The following GUSB variants were observed in gnomAD, a reference collection of about 807,000 sequenced individuals.
GUSB encodes beta-glucuronidase.
GUSB carries 51 observed loss-of-function variants against 74.6 expected under a neutral mutation model. The ratio of observed to expected loss-of-function variants is 0.68; its 90% confidence interval spans 0.55 to 0.86. The LOEUF (loss-of-function observed/expected upper bound fraction) is 0.86, where lower values mean the gene tolerates loss of function less well. GUSB is among the 40% of genes least tolerant of loss of function. GUSB has a pLI of 0.00. For synonymous variants in GUSB, 360 were observed against 348.3 expected, an observed-to-expected ratio of 1.03 and a Z score of -0.37; for missense variants, 736 against 853.7, an observed-to-expected ratio of 0.86 and a Z score of 1.72.
At chr7:65,969,903 G>A (rs1791082521) in intron 9 of GUSB, among the ~76,000 whole-genome samples, 1 of 152,196 alleles carries the variant, frequency 6.6e-6, no homozygotes, top group Admixed American at 6.6e-5. Context: ...TCCAAACTGA[G>A]CAAACAAATC....
chr7:65,965,214 TA>T, intron 10 of GUSB, among the ~76,000 whole-genome samples: 1 of 152,168 alleles, frequency 6.6e-6, no homozygotes, highest in Non-Finnish European at 1.5e-5. Context: ...AAGACTAGTC[TA>T]GGCAACACAG....
intron 4 of GUSB, among the ~76,000 whole-genome samples, chr7:65,976,928 G>GTCCCTCAGACA (rs751959555): frequency 2.0e-5 from 3 of 151,902 alleles, no homozygotes; most frequent in Non-Finnish European, 4.4e-5. Context: ...GGAAGTGACC[G>GTCCCTCAGACA]TGTCCCTCAG....
At chr7:65,975,175 G>A in intron 5 of GUSB, 104 bp from the exon 6 acceptor site, 1 of 975,460 alleles carries the variant, frequency 1.0e-6, no homozygotes, top group South Asian at 1.3e-5. Flanking sequence ...AGCTGCCTCT[G>A]GGCCTGTAAG....
chr7:65,967,473 TCTGTTAGAAAGAC>T (rs1157255146), intron 10 of GUSB, among the ~76,000 whole-genome samples: 1 of 152,048 alleles, frequency 6.6e-6, no homozygotes, highest in African/African-American at 2.4e-5. Context: ...CAAATTTGGA[TCTGTTAGAAAGAC>T]CACTTGGGCA....
intron 10 of GUSB, among the ~76,000 whole-genome samples, chr7:65,965,157 G>C (rs1358014662): frequency 1.3e-5 from 2 of 152,020 alleles, no homozygotes; most frequent in Non-Finnish European, 2.9e-5. Flanking sequence ...TGTAATGCCA[G>C]CACTTTTGGA....
chr7:65,976,181 G>C lies in GUSB; in HGVS notation c.746C>G (p.Ser249Cys). The change falls in exon 5 of 12, where the codon TCT becomes TGT. Residue 249 changes from serine to cysteine, a missense_variant. Around this residue, in one of 2 missense-constraint regions of GUSB, gnomAD observed 368 missense variants for 363.8 expected, o/e 1.01. Transcript: ENST00000304895. ...CTTGAACAGGTTACTGCCCTTGACA[G>C]AGATCTGGTAATTCACCAGCCCTGC... is the stretch of plus-strand genomic sequence containing the variant. ...QDSGLVNYQISVKGSNLFKLE... is the reference protein window; with the variant it reads ...QDSGLVNYQICVKGSNLFKLE... 1.2e-6 allele frequency: 2 copies of C among 1,612,970 alleles called. No individual in the cohort carries two copies. Among genetic ancestry groups the C allele is most frequent in the Non-Finnish European group, 1.7e-6 (2 of 1,179,626 alleles).
chr7:65,979,444 A>C lies in GUSB; in HGVS notation c.679T>G (p.Tyr227Asp). ...SVLLYTTPTTYIDDITVTTSV... is the reference protein window; with the variant it reads ...SVLLYTTPTTDIDDITVTTSV... ...GTGGTGACGGTGATGTCATCGATGT[A>C]GGTGGTGGGTGTCGTGTACAGAAGT... Residue 227 changes from tyrosine to aspartate, a missense_variant, in exon 4 of 12, where the codon TAC becomes GAC. Physicochemically the swap from Tyr to Asp is radical, Grantham distance 160 (BLOSUM62 -3). Coordinates refer to ENST00000304895, the MANE Select transcript of GUSB (RefSeq NM_000181.4). The C allele has an allele frequency of 1.2e-6, 2 of 1,613,970 alleles. No individual in the cohort carries two copies. Among genetic ancestry groups the C allele is most frequent in the Non-Finnish European group, 1.7e-6 (2 of 1,179,878 alleles).
chr7:65,964,435 T>C lies in GUSB; in HGVS notation c.1677A>G (p.Glu559=), dbSNP rs1161205711. ...GCTCTAGCAGACTTTTCTGGTACTC[T>C]TCAGTGAACATCAGAGGTGGATCCT... is the stretch of plus-strand genomic sequence containing the variant. ...FHQDPPLMFT[E]EYQKSLLEQY... Residue 559 remains glutamate, a synonymous_variant, in exon 11 of 12, where the codon GAA becomes GAG. Transcript: ENST00000304895. The C allele has an allele frequency of 1.2e-6, 2 of 1,611,260 alleles. No individual in the cohort carries two copies. The highest frequency in any genetic ancestry group is 1.3e-5 in the African/African-American group (1 of 74,852).
At chr7:65,978,052 C>T (rs1347242167) in intron 4 of GUSB, among the ~76,000 whole-genome samples, 5 of 152,098 alleles carry the variant, frequency 3.3e-5, no homozygotes, top group African/African-American at 1.2e-4. Context: ...CCTCGTGATC[C>T]CCCCACCTTG....
intron 11 of GUSB, chr7:65,964,051 A>C: frequency 6.3e-6 from 3 of 473,620 alleles, no homozygotes; most frequent in South Asian, 4.2e-5. Flanking sequence ...CAAAATAGAC[A>C]AGGAAAAGGC....
intron 4 of GUSB, among the ~76,000 whole-genome samples, chr7:65,977,857 C>T (rs1358026127): frequency 6.6e-6 from 1 of 152,038 alleles, no homozygotes; most frequent in Non-Finnish European, 1.5e-5. Context: ...GTCCCCTAGG[C>T]TGGAGTGCAG....
chr7:65,962,002 C>CAAAA, intron 11 of GUSB, among the ~76,000 whole-genome samples: 1 of 142,226 alleles, frequency 7.0e-6, no homozygotes, highest in South Asian at 2.2e-4. Flanking sequence ...ACTCCATCTC[C>CAAAA]AAAAAAAAAA....
intron 4 of GUSB, 40 bp downstream of exon 4, chr7:65,979,359 C>T (rs1249524197): frequency 6.4e-7 from 1 of 1,564,470 alleles, no homozygotes; most frequent in Admixed American, 1.8e-5. Context: ...AACAGAGCCA[C>T]CCTGGGCCCC....
At chr7:65,965,182 G>C (rs1182328432) in intron 10 of GUSB, among the ~76,000 whole-genome samples, 1 of 152,082 alleles carries the variant, frequency 6.6e-6, no homozygotes, top group African/African-American at 2.4e-5. Context: ...GAGACAGGAG[G>C]ATCACTTCAG....
intron 10 of GUSB, among the ~76,000 whole-genome samples, chr7:65,964,662 A>C (rs1246500123): frequency 6.6e-6 from 1 of 152,110 alleles, no homozygotes; most frequent in African/African-American, 2.4e-5. Flanking sequence ...AAAAAAAAAC[A>C]ACCTTAATGA....
intron 10 of GUSB, among the ~76,000 whole-genome samples, chr7:65,965,092 A>ATATATATAT (rs548280038): frequency 6.6e-5 from 10 of 150,562 alleles, no homozygotes; most frequent in Non-Finnish European, 8.9e-5. Context: ...TATATATATA[A>ATATATATAT]AAATTAAATT....
chr7:65,973,064 T>A (rs1246064242), intron 8 of GUSB, among the ~76,000 whole-genome samples: 1 of 152,110 alleles, frequency 6.6e-6, no homozygotes, highest in African/African-American at 2.4e-5. Context: ...GGTGTGGTGG[T>A]TCACACCTGT....
In GUSB at chr7:65,976,308, GCTT is replaced by G. The variant is rs1048549693; in HGVS notation, c.725-109_725-107del. 41 of 770,542 alleles carry G rather than the reference GCTT, an allele frequency of 5.3e-5. No individual in the cohort carries two copies. In the Admixed American group the frequency reaches 7.9e-4, roughly 15 times the overall value. 47.7% of individuals were successfully genotyped at this position (770,542 alleles called of 1,614,324 possible). On this transcript the variant is annotated intron_variant, in intron 4 of 11. Transcript: ENST00000304895. The stretch of plus-strand genomic sequence containing the variant: ...TGCCAGGCAGCCATTTGTTTCTGTT[GCTT>G]TTTTTAAATTTAATTTCTTATTTTT...
chr7:65,962,002 CAA>C (rs11287621), intron 11 of GUSB, among the ~76,000 whole-genome samples: 177 of 142,044 alleles, frequency 1.2e-3, no homozygotes, highest in Admixed American at 1.1e-3. Flanking sequence ...ACTCCATCTC[CAA>C]AAAAAAAAAA....
Sources: allele counts gnomAD v4.1 joint callset (sites outside exome capture counted in the v4.1 genomes callset), GRCh38; gene constraint gnomAD v4.1.1; regional missense constraint gnomAD v4.1.1; transcripts MANE v1.5; gene names NCBI Gene and HGNC (gene_info 2026-07-23, HGNC 2026-07-21).